The following NCOA2 variants were observed in gnomAD, a reference collection of about 807,000 sequenced individuals.
The protein encoded by NCOA2 is nuclear receptor coactivator 2.
Under a neutral mutation model 145.1 loss-of-function variants are expected in NCOA2, and 21 were observed. The observed-to-expected ratio is 0.14, with a 90% CI of 0.10 to 0.21. The LOEUF (loss-of-function observed/expected upper bound fraction) is 0.21. Ranked by LOEUF, NCOA2 falls within the 10% of genes least tolerant of loss-of-function variation. The pLI, the probability that NCOA2 is intolerant of heterozygous loss-of-function variation, is 1.00. For missense variants in NCOA2, 1,472 were observed against 1,837.6 expected, an observed-to-expected ratio of 0.80 and a Z score of 3.64; for synonymous variants, 619 against 637.5, an observed-to-expected ratio of 0.97 and a Z score of 0.44.
intron 4 of NCOA2, among the ~76,000 whole-genome samples, chr8:70,184,601 G>A (rs1000743379): frequency 3.9e-5 from 6 of 152,250 alleles, no homozygotes; most frequent in Middle Eastern, 6.8e-3. Context: ...TCCCTGGAGA[G>A]GCTGCCAAGG....
intron 2 of NCOA2, among the ~76,000 whole-genome samples, chr8:70,260,345 C>A (rs1189125733): frequency 1.3e-5 from 2 of 152,068 alleles, no homozygotes; most frequent in Admixed American, 1.3e-4. Flanking sequence ...GTTGCCCAAG[C>A]TAATCTCGAT....
intron 1 of NCOA2, among the ~76,000 whole-genome samples, chr8:70,307,220 CAAAAAA>C (rs57161747): frequency 1.3e-3 from 93 of 71,636 alleles, no homozygotes; most frequent in African/African-American, 3.3e-3. Flanking sequence ...CCTACATAAG[CAAAAAA>C]AAAAAAAAAA....
upstream of NCOA2, among the ~76,000 whole-genome samples, chr8:70,406,960 A>G (rs187042889): frequency 1.3e-5 from 2 of 152,350 alleles, no homozygotes; most frequent in East Asian, 3.9e-4. Context: ...ACAAGTCACT[A>G]AATATCGCAA....
intron 1 of NCOA2, among the ~76,000 whole-genome samples, chr8:70,387,782 G>T (rs960221854): frequency 6.6e-6 from 1 of 152,170 alleles, no homozygotes; most frequent in African/African-American, 2.4e-5. Flanking sequence ...GTCATAAAGG[G>T]AACACAGCTT....
At chr8:70,219,650 C>T (rs984856840) in intron 2 of NCOA2, among the ~76,000 whole-genome samples, 1 of 151,438 alleles carries the variant, frequency 6.6e-6, no homozygotes, top group Middle Eastern at 3.4e-3. Flanking sequence ...GTGGGGGGAG[C>T]GAATGTAACA....
chr8:70,374,471 CAA>C (rs755097636), intron 1 of NCOA2, among the ~76,000 whole-genome samples: 32 of 96,618 alleles, frequency 3.3e-4, no homozygotes, highest in Non-Finnish European at 3.5e-4. Context: ...GACTCTGTCT[CAA>C]AAAAAAAAAA....
chr8:70,446,889 C>T, the NCOA2 span, among the ~76,000 whole-genome samples: 3 of 152,170 alleles, frequency 2.0e-5, no homozygotes, highest in Admixed American at 6.5e-5. Flanking sequence ...CAAAATGCAA[C>T]AAAGCCTTCA....
At chr8:70,329,076 A>G (rs970140631) in intron 1 of NCOA2, among the ~76,000 whole-genome samples, 1 of 151,692 alleles carries the variant, frequency 6.6e-6, no homozygotes, top group African/African-American at 2.4e-5. Flanking sequence ...TGCCTCAGCC[A>G]TCTAAGGAGC....
rs941844911 is a variant in NCOA2, at chr8:70,135,370, T to TC, written c.3158+2832dup. Among the ~76,000 whole-genome samples, 128 of 152,306 alleles carry TC rather than the reference T, an allele frequency of 8.4e-4. 1 individual carries two copies. The highest frequency in any genetic ancestry group is 3.0e-3 in the African/African-American group (124 of 41,574). On this transcript the variant is annotated intron_variant, in intron 15 of 22. Coordinates refer to ENST00000452400, the MANE Select transcript of NCOA2 (RefSeq NM_006540.4). The stretch of plus-strand genomic sequence containing the variant: ...ATGCTCACACGGGGCAAGCATTGCA[T>TC]CCTCTACCTCTTTTTGGCCCAGTGC...
intron 4 of NCOA2, among the ~76,000 whole-genome samples, chr8:70,183,587 C>T (rs1815724703): frequency 6.6e-6 from 1 of 152,162 alleles, no homozygotes; most frequent in Non-Finnish European, 1.5e-5. Flanking sequence ...TCTGTCTCCC[C>T]CCAAATGCAT....
At chr8:70,341,620 A>T (rs1053942663) in intron 1 of NCOA2, among the ~76,000 whole-genome samples, 2 of 152,220 alleles carry the variant, frequency 1.3e-5, no homozygotes, top group African/African-American at 2.4e-5. Flanking sequence ...TTTGTTAATC[A>T]GCAATGAATT....
chr8:70,113,399 G>T lies in NCOA2; in HGVS notation c.*233C>A, dbSNP rs907578652. 1.7e-6 allele frequency: 1 copy of T among 590,524 alleles called. No homozygotes were observed. The highest frequency in any genetic ancestry group is 1.9e-5 in the African/African-American group (1 of 53,750). 36.6% of individuals were successfully genotyped at this position (590,524 alleles called of 1,614,324 possible). A position where few individuals can be genotyped will look rare whatever the true frequency, so the allele number is the denominator to read the frequency against. On this transcript the variant is annotated 3_prime_UTR_variant, in exon 23 of 23. Coordinates refer to ENST00000452400, the MANE Select transcript of NCOA2 (RefSeq NM_006540.4). ...TAAGTTGCACTAAGGTGAATGCAGT[G>T]AACAGACTGAGCGACTGTCTGGATG...
intron 2 of NCOA2, among the ~76,000 whole-genome samples, chr8:70,249,415 C>T (rs895196665): frequency 3.9e-5 from 6 of 152,088 alleles, no homozygotes; most frequent in Admixed American, 2.0e-4. Flanking sequence ...GACTTTTGCC[C>T]GAATACATAT....
intron 2 of NCOA2, among the ~76,000 whole-genome samples, chr8:70,265,911 T>C (rs1441891298): frequency 1.3e-5 from 2 of 152,142 alleles, no homozygotes; most frequent in Non-Finnish European, 1.5e-5. Context: ...TTTGGGAGGC[T>C]GAGGGATCAC....
In NCOA2 at chr8:70,166,762, A is replaced by C. The variant is rs1304244332; in HGVS notation, c.542-8T>G. 1 of 1,605,614 alleles carries C rather than the reference A, an allele frequency of 6.2e-7. No individual in the cohort carries two copies. Among genetic ancestry groups the C allele is most frequent in the African/African-American group, 1.3e-5 (1 of 74,484 alleles). On this transcript the variant is annotated splice_polypyrimidine_tract_variant and splice_region_variant and intron_variant, in intron 6 of 22. Transcript: ENST00000452400. ...ACCAAGATCCCCCATTTACTGAGCA[A>C]GGCAAAAGTAATCCAGTTTTACAAA...
At chr8:70,412,138 C>T in the NCOA2 span, among the ~76,000 whole-genome samples, 1 of 152,066 alleles carries the variant, frequency 6.6e-6, no homozygotes, top group African/African-American at 2.4e-5. Context: ...TGTTACTTTA[C>T]AGCCCAGGCG....
intron 2 of NCOA2, among the ~76,000 whole-genome samples, chr8:70,225,201 A>T (rs191803573): frequency 9.8e-4 from 149 of 152,330 alleles, no homozygotes; most frequent in African/African-American, 3.2e-3. Context: ...GAGGGTGGGG[A>T]ATAGTAAAAC....
intron 4 of NCOA2, among the ~76,000 whole-genome samples, chr8:70,199,300 A>T (rs747513252): frequency 2.6e-5 from 4 of 151,890 alleles, no homozygotes; most frequent in Non-Finnish European, 5.9e-5. Context: ...ATACAAAAAA[A>T]ATTACCTGGG....
intron 1 of NCOA2, chr8:70,402,074 T>A (rs896568006): frequency 6.6e-6 from 1 of 152,314 alleles, no homozygotes; most frequent in Non-Finnish European, 1.5e-5. Context: ...AGCGTCTCCA[T>A]GACTCCCCCG....
Sources: allele counts gnomAD v4.1 joint callset (sites outside exome capture counted in the v4.1 genomes callset), GRCh38; gene constraint gnomAD v4.1.1; transcripts MANE v1.5; gene names NCBI Gene and HGNC (gene_info 2026-07-23, HGNC 2026-07-21).